DENND4C: variants seen among roughly 807,000 people sequenced by gnomAD.
The protein encoded by DENND4C is DENN domain containing 4C.
A neutral mutation model predicts 203.0 loss-of-function variants in DENND4C; 108 were observed. The observed-to-expected ratio is 0.53, with a 90% CI of 0.46 to 0.62. The LOEUF (loss-of-function observed/expected upper bound fraction) is 0.62. DENND4C is among the 20% of genes least tolerant of loss of function. DENND4C has a pLI of 0.00. For synonymous variants in DENND4C, 871 were observed against 792.4 expected, an observed-to-expected ratio of 1.10 and a Z score of -1.67; for missense variants, 2,481 against 2,301.2, an observed-to-expected ratio of 1.08 and a Z score of -1.60.
rs1423041426 is a variant in DENND4C at position 19,372,882 on chromosome 9, AG to A, written c.*710del. 2.7e-5 allele frequency: 4 copies of A among 149,076 alleles called. No individual in the cohort carries two copies. Among genetic ancestry groups the A allele is most frequent in the Middle Eastern group, 3.4e-3 (1 of 292 alleles). 9.2% of individuals were successfully genotyped at this position (149,076 alleles called of 1,614,324 possible). On this transcript the variant is annotated 3_prime_UTR_variant, in exon 33 of 33. Transcript: ENST00000434457. ...TCAAAAAAAAAAAAAAAAAAAAAAG[AG>A]AGCAACATATTTGTGTAAGTTTGTA...
At chr9:19,297,914 C>T in intron 6 of DENND4C, 142 bp from the exon 7 acceptor site, 2 of 589,980 alleles carry the variant, frequency 3.4e-6, no homozygotes, top group South Asian at 6.0e-5. Flanking sequence ...TTACATGGAG[C>T]AAATTTACTT....
intron 1 of DENND4C, among the ~76,000 whole-genome samples, chr9:19,247,457 G>A (rs1332081756): frequency 1.3e-5 from 2 of 152,150 alleles, no homozygotes; most frequent in Non-Finnish European, 2.9e-5. Context: ...ATACAGTGAT[G>A]CAATTATAGC....
intron 30 of DENND4C, among the ~76,000 whole-genome samples, chr9:19,364,412 C>A (rs543927159): frequency 2.6e-5 from 4 of 152,264 alleles, no homozygotes; most frequent in East Asian, 1.9e-4. Context: ...AATTGCAGTT[C>A]GAGAACTCTG....
chr9:19,303,437 C>G (rs1173626500), intron 9 of DENND4C, among the ~76,000 whole-genome samples: 1 of 152,182 alleles, frequency 6.6e-6, no homozygotes, highest in Non-Finnish European at 1.5e-5. Flanking sequence ...TTGCCTATGA[C>G]TGCTTTCATG....
In DENND4C at chr9:19,335,100, A is replaced by C. The variant is rs1215403923; in HGVS notation, c.2584A>C (p.Asn862His). The C allele has an allele frequency of 6.3e-7, 1 of 1,593,166 alleles. No individual in the cohort carries two copies. Among genetic ancestry groups the C allele is most frequent in the Non-Finnish European group, 8.5e-7 (1 of 1,170,500 alleles). Residue 862 changes from asparagine to histidine, a missense_variant, in exon 18 of 33, where the codon AAT (asparagine) becomes CAT (histidine). By Grantham distance (68) the Asn-to-His change is moderately conservative. This residue lies in a region of DENND4C where 2,289 missense variants were observed against 2,113.3 expected (regional missense o/e 1.08). Coordinates refer to ENST00000434457, the MANE Select transcript of DENND4C (RefSeq NM_001330640.2). Reference protein sequence around the residue: ...KPNAITYGYYNKVVLESPWPS... With the variant: ...KPNAITYGYYHKVVLESPWPS... ...TAATGCTATTACTTATGGTTATTAT[A>C]ATAAGGTAAGTAGGATCGACATTAG...
Position 19,298,093 on chromosome 9 carries a change from T to C in DENND4C, c.1078T>C (p.Ser360Pro). 6.2e-7 allele frequency: 1 copy of C among 1,610,778 alleles called. No individual in the cohort carries two copies. Residue 360 changes from serine (S) to proline (P), a missense_variant, in exon 7 of 33, where the codon TCA (serine) becomes CCA (proline). Ser to Pro is a moderately conservative substitution (Grantham distance 74). Around this residue, in one of 3 missense-constraint regions of DENND4C, gnomAD observed 2,289 missense variants for 2,113.3 expected, o/e 1.08. Transcript: ENST00000434457. ...TTTTATGCAAAACATCCCTTTTCCT[T>C]CACCACAAAGACCGAGAATCCTTGT... ...SHFMQNIPFPSPQRPRILVQL... is the reference protein window; with the variant it reads ...SHFMQNIPFPPPQRPRILVQL...
intron 1 of DENND4C, among the ~76,000 whole-genome samples, chr9:19,248,552 G>T (rs1825805335): frequency 6.6e-6 from 1 of 151,926 alleles, no homozygotes; most frequent in South Asian, 2.1e-4. Context: ...GCCTCGCCTG[G>T]CTAATTTTTG....
chr9:19,302,850 T>C (rs1212668990), intron 9 of DENND4C, among the ~76,000 whole-genome samples: 1 of 152,210 alleles, frequency 6.6e-6, no homozygotes, highest in Non-Finnish European at 1.5e-5. Context: ...TCTTCTCTTA[T>C]ATATCCCCTT....
At position 19,331,982 on chromosome 9, in the gene DENND4C, T is replaced by C. The variant is rs1819322299; in HGVS notation, c.2258T>C (p.Ile753Thr). The change falls in exon 17 of 33, where the codon ATA (isoleucine) becomes ACA (threonine). Residue 753 changes from isoleucine to threonine, a missense_variant. Ile to Thr is a moderately conservative substitution (Grantham distance 89). Coordinates refer to ENST00000434457, the MANE Select transcript of DENND4C (RefSeq NM_001330640.2). ...AATATTTTATTCTCTTTCTAGGAAA[T>C]AAAAACAGCTCATAAATTGGCGAAG... ...PLMAKRTKQE[I>T]KTAHKLAKRC... The C allele has an allele frequency of 1.2e-6, 2 of 1,612,902 alleles. No homozygotes were observed. Among genetic ancestry groups the C allele is most frequent in the African/African-American group, 2.7e-5 (2 of 74,998 alleles).
At position 19,369,777 on chromosome 9, in the gene DENND4C, A is replaced by AAAAT. The variant is rs1554645962; in HGVS notation, c.5525-58_5525-57insATAA. 5.3e-6 allele frequency: 5 copies of AAAAT among 937,392 alleles called. No individual in the cohort carries two copies. The African/African-American group carries it at 7.1e-5, about 13-fold the overall frequency. The allele number at this position is 937,392 out of a possible 1,614,324, so 58.1% of individuals were successfully genotyped here. A position where few individuals can be genotyped will look rare whatever the true frequency, so the allele number is the denominator to read the frequency against. On this transcript the variant is annotated intron_variant, in intron 30 of 32. Coordinates refer to ENST00000434457, the MANE Select transcript of DENND4C (RefSeq NM_001330640.2). Reference sequence around the variant, plus strand: ...GTGAGATGTTGTCTCAAAAAAAAAAAAATAATAATAATAATAATAGTAATA... The same window carrying AAAAT: ...GTGAGATGTTGTCTCAAAAAAAAAAAAAATAATAATAATAATAATAATAGTAATA...
intron 10 of DENND4C, among the ~76,000 whole-genome samples, chr9:19,307,249 G>A (rs970929949): frequency 2.0e-5 from 3 of 151,834 alleles, no homozygotes; most frequent in African/African-American, 7.3e-5. Flanking sequence ...TAAAAAATTA[G>A]CTAGGAGTGG....
intron 9 of DENND4C, among the ~76,000 whole-genome samples, chr9:19,303,460 G>C (rs1839012408): frequency 1.3e-5 from 2 of 152,164 alleles, no homozygotes; most frequent in Non-Finnish European, 2.9e-5. Flanking sequence ...TGACAGCAGA[G>C]TTAAATGGTT....
chr9:19,251,024 C>A (rs1564086428), intron 1 of DENND4C, among the ~76,000 whole-genome samples: 1 of 152,222 alleles, frequency 6.6e-6, no homozygotes, highest in Non-Finnish European at 1.5e-5. Flanking sequence ...CTAGGCAGCA[C>A]CCCAGTGGGG....
chr9:19,231,993 A>C (rs908895524), intron 1 of DENND4C, among the ~76,000 whole-genome samples: 13 of 152,208 alleles, frequency 8.5e-5, no homozygotes, highest in African/African-American at 2.4e-4. Context: ...CTCTATCAGA[A>C]ATGCAGAGCG....
chr9:19,350,117 ATGTAG>A (rs1043484763), intron 23 of DENND4C, among the ~76,000 whole-genome samples: 31 of 152,336 alleles, frequency 2.0e-4, no homozygotes, highest in Non-Finnish European at 4.6e-4. Context: ...ACAATCACCT[ATGTAG>A]TTAAGAACTA....
intron 1 of DENND4C, among the ~76,000 whole-genome samples, chr9:19,241,346 A>C (rs891259275): frequency 3.3e-5 from 5 of 152,084 alleles, no homozygotes; most frequent in African/African-American, 1.2e-4. Context: ...TTATTCTTTA[A>C]ATCCTTATTC....
At chr9:19,236,232 T>C (rs1234142183) in intron 1 of DENND4C, among the ~76,000 whole-genome samples, 1 of 152,116 alleles carries the variant, frequency 6.6e-6, no homozygotes, top group Non-Finnish European at 1.5e-5. Flanking sequence ...GTCTAATAGG[T>C]TAAACAGCCC....
intron 1 of DENND4C, among the ~76,000 whole-genome samples, chr9:19,263,819 C>G (rs987902404): frequency 5.3e-5 from 8 of 151,758 alleles, no homozygotes; most frequent in Middle Eastern, 3.2e-3. Context: ...CCACGCCCGG[C>G]TAAATTTTTT....
chr9:19,267,470 C>T (rs1444746880), intron 1 of DENND4C, among the ~76,000 whole-genome samples: 3 of 152,042 alleles, frequency 2.0e-5, no homozygotes, highest in Non-Finnish European at 4.4e-5. Flanking sequence ...TTTTTGACCC[C>T]TTTATTTTTA....
Sources: allele counts gnomAD v4.1 joint callset (sites outside exome capture counted in the v4.1 genomes callset), GRCh38; gene constraint gnomAD v4.1.1; regional missense constraint gnomAD v4.1.1; transcripts MANE v1.5; gene names NCBI Gene and HGNC (gene_info 2026-07-23, HGNC 2026-07-21).